Variants in ADGRG7 observed in about 807,000 individuals in gnomAD.
ADGRG7 encodes G-protein coupled receptor 128.
Under a neutral mutation model 88.6 loss-of-function variants are expected in ADGRG7, and 82 were observed. The observed-to-expected ratio is 0.93, with a 90% CI of 0.77 to 1.11. The LOEUF (loss-of-function observed/expected upper bound fraction) is 1.11. Ranked by LOEUF, ADGRG7 falls within the 50% of genes most tolerant of loss-of-function variation. The pLI is 0.00. For missense variants in ADGRG7, 945 were observed against 953.4 expected (o/e 0.99, Z 0.12); for synonymous variants, 381 against 345.2 (o/e 1.10, Z -1.15).
At chr3:100,611,744 A>C (rs931100644) in intron 1 of ADGRG7, among the ~76,000 whole-genome samples, 3 of 152,228 alleles carry the variant, frequency 2.0e-5, no homozygotes, top group African/African-American at 7.2e-5. Flanking sequence ...GAGGGTTCTC[A>C]CTGTCATTTA....
chr3:100,654,514 T>A, intron 11 of ADGRG7: 1 of 223,000 alleles, frequency 4.5e-6, no homozygotes, highest in East Asian at 1.1e-4. Context: ...GTGAAGGGAC[T>A]ACGCAGGGCT....
At chr3:100,665,320 G>C (rs1012149239) in intron 14 of ADGRG7, 5 of 540,650 alleles carry the variant, frequency 9.2e-6, no homozygotes, top group African/African-American at 7.7e-5. Context: ...AGTTCATCTG[G>C]TGAAATACCC....
chr3:100,629,188 G>A (rs1004949309), intron 1 of ADGRG7, among the ~76,000 whole-genome samples: 29 of 151,898 alleles, frequency 1.9e-4, no homozygotes, highest in African/African-American at 6.0e-4. Flanking sequence ...ATCTCTTACC[G>A]GGTCTTCTTG....
chr3:100,694,380 G>T (rs1347494082), intron 15 of ADGRG7, among the ~76,000 whole-genome samples: 1 of 152,172 alleles, frequency 6.6e-6, no homozygotes, highest in Non-Finnish European at 1.5e-5. Context: ...AAATATGGAA[G>T]CACAGAATGT....
Position 100,645,961 on chromosome 3 carries a change from C to T in ADGRG7, c.963C>T (p.Cys321=), listed in dbSNP as rs1290537154. The T allele has an allele frequency of 6.2e-6, 10 of 1,613,410 alleles. No individual in the cohort carries two copies. Among genetic ancestry groups the T allele is most frequent in the East Asian group, 4.5e-5 (2 of 44,868 alleles). ...TCCCTATAGATTACACCAAGACATGCGGCTTTGTAGTTTATCAAAATGACA... is the reference window on the plus strand; with the variant it reads ...TCCCTATAGATTACACCAAGACATGTGGCTTTGTAGTTTATCAAAATGACA... ...LNMTKNYTKT[C]GFVVYQNDKL... The change falls in exon 9 of 16, where the codon TGC becomes TGT. Residue 321 remains cysteine, a synonymous_variant. Transcript: ENST00000273352.
At chr3:100,659,587 C>A (rs530069315) in intron 13 of ADGRG7, 101 bp from the exon 14 acceptor site, 3 of 979,932 alleles carry the variant, frequency 3.1e-6, no homozygotes, top group Non-Finnish European at 4.5e-6. Flanking sequence ...TAACTTTTAG[C>A]AGATCTTTCA....
At chr3:100,621,352 A>G (rs956628710) in intron 1 of ADGRG7, among the ~76,000 whole-genome samples, 4 of 152,244 alleles carry the variant, frequency 2.6e-5, no homozygotes, top group African/African-American at 9.6e-5. Flanking sequence ...CCAAACAGTT[A>G]GCCAAATTGT....
At chr3:100,625,313 C>T (rs1236010561) in intron 1 of ADGRG7, among the ~76,000 whole-genome samples, 1 of 152,040 alleles carries the variant, frequency 6.6e-6, no homozygotes, top group South Asian at 2.1e-4. Flanking sequence ...GATGGGAGTT[C>T]ACTCATAATT....
chr3:100,631,787 A>G (rs1454835724), intron 3 of ADGRG7, among the ~76,000 whole-genome samples: 2 of 152,156 alleles, frequency 1.3e-5, no homozygotes, highest in African/African-American at 2.4e-5. Flanking sequence ...TTATCTTATT[A>G]TTATGAGAAA....
At chr3:100,628,365 GT>G (rs952692602) in intron 1 of ADGRG7, among the ~76,000 whole-genome samples, 1 of 128,422 alleles carries the variant, frequency 7.8e-6, no homozygotes, top group East Asian at 2.0e-4. Context: ...TCTGCCACTT[GT>G]TTTTTTTGTT....
intron 14 of ADGRG7, 138 bp downstream of exon 14, chr3:100,659,981 C>A: frequency 1.4e-6 from 1 of 735,164 alleles, no homozygotes; most frequent in Non-Finnish European, 2.2e-6. Flanking sequence ...AGAGATTTTT[C>A]TCTTACACTT....
chr3:100,665,748 C>A (rs1442990957), intron 14 of ADGRG7, among the ~76,000 whole-genome samples: 3 of 152,168 alleles, frequency 2.0e-5, no homozygotes, highest in Non-Finnish European at 4.4e-5. Flanking sequence ...TGCCTAATTG[C>A]AAATTAGGAT....
chr3:100,631,688 C>T lies in ADGRG7; in HGVS notation c.334+879C>T, dbSNP rs770066018. ...GGCAATGGCCCTGAAGAGAATGTGA[C>T]ATTTTATTTAGATATTTATTTTTGT... On this transcript the variant is annotated intron_variant, in intron 3 of 15. Coordinates refer to ENST00000273352, the MANE Select transcript of ADGRG7 (RefSeq NM_032787.3). 4.0e-4 allele frequency among the ~76,000 whole-genome samples: 61 copies of T among 152,160 alleles called. 1 individual carries two copies. Among genetic ancestry groups the T allele is most frequent in the Admixed American group, 6.5e-5 (1 of 15,276 alleles).
chr3:100,624,832 G>A (rs1707361050), intron 1 of ADGRG7, among the ~76,000 whole-genome samples: 1 of 152,100 alleles, frequency 6.6e-6, no homozygotes, highest in Admixed American at 6.5e-5. Flanking sequence ...GGTTGTTGAA[G>A]ATCAGATGTT....
chr3:100,623,535 A>T (rs9851125), intron 1 of ADGRG7, among the ~76,000 whole-genome samples: 2,280 of 152,080 alleles, frequency 0.015, 36 homozygotes, highest in African/African-American at 0.043. Context: ...TCCAATTTTT[A>T]AAAAAAATTT....
intron 1 of ADGRG7, among the ~76,000 whole-genome samples, chr3:100,620,695 C>T (rs1245535100): frequency 6.6e-6 from 1 of 152,208 alleles, no homozygotes; most frequent in Non-Finnish European, 1.5e-5. Flanking sequence ...TTCAGCTAAA[C>T]ACTGGAGAAT....
At chr3:100,662,643 C>T (rs1485560342) in intron 14 of ADGRG7, among the ~76,000 whole-genome samples, 1 of 151,960 alleles carries the variant, frequency 6.6e-6, no homozygotes, top group Non-Finnish European at 1.5e-5. Context: ...ACATTAGATG[C>T]TATGCAGAAC....
chr3:100,633,372 A>G lies in ADGRG7; in HGVS notation c.442A>G (p.Lys148Glu). Reference protein sequence around the residue: ...NCNENLETLEKQVKDVTAPLN... With the variant: ...NCNENLETLEEQVKDVTAPLN... ...CAATGAAAATCTGGAAACCCTGGAA[A>G]AGCAGGTATGCCATATGACTCACTG... Residue 148 changes from lysine (K) to glutamate (E), a missense_variant, in exon 4 of 16, where the codon AAG becomes GAG. Coordinates refer to ENST00000273352, the MANE Select transcript of ADGRG7 (RefSeq NM_032787.3). The G allele has an allele frequency of 6.4e-7, 1 of 1,573,742 alleles. No homozygotes were observed. The highest frequency in any genetic ancestry group is 1.2e-5 in the South Asian group (1 of 86,144).
chr3:100,626,503 G>A (rs370108402), intron 1 of ADGRG7, among the ~76,000 whole-genome samples: 6 of 151,944 alleles, frequency 3.9e-5, no homozygotes, highest in Non-Finnish European at 7.4e-5. Flanking sequence ...TTATTTGAAC[G>A]GGGTCAGGCA....
Sources: gnomAD v4.1 joint callset for allele counts (sites outside exome capture counted in the v4.1 genomes callset) on GRCh38, gnomAD v4.1.1 for gene constraint, MANE v1.5 for transcripts, NCBI Gene and HGNC (gene_info 2026-07-23, HGNC 2026-07-21) for gene names.